NELL1: variants seen among roughly 807,000 people sequenced by gnomAD.
NELL1 encodes the protein neural EGFL like 1.
In NELL1, 76 loss-of-function variants were observed where a neutral mutation model predicts 107.4. That is an observed-to-expected ratio of 0.71 (90% CI 0.59 to 0.86). The LOEUF is 0.86. Ranked by LOEUF, NELL1 falls within the 40% of genes least tolerant of loss-of-function variation. NELL1 has a pLI of 0.00. For missense variants in NELL1, 1,024 were observed against 1,005.5 expected (o/e 1.02, Z -0.25); for synonymous variants, 353 against 341.2 (o/e 1.03, Z -0.38).
intron 2 of NELL1, among the ~76,000 whole-genome samples, chr11:20,705,182 C>T (rs1854911018): frequency 6.6e-6 from 1 of 152,002 alleles, no homozygotes; most frequent in Non-Finnish European, 1.5e-5. Context: ...CATATGGAAC[C>T]AAAAAAGAGC....
intron 14 of NELL1, among the ~76,000 whole-genome samples, chr11:21,346,635 T>C (rs1490623574): frequency 6.8e-6 from 1 of 146,992 alleles, no homozygotes; most frequent in Non-Finnish European, 1.5e-5. Flanking sequence ...CAAATATATA[T>C]TAATTATATG....
chr11:21,004,697 A>G (rs1026932431), intron 12 of NELL1, among the ~76,000 whole-genome samples: 13 of 152,160 alleles, frequency 8.5e-5, no homozygotes, highest in Admixed American at 2.6e-4. Context: ...AGATTATGTT[A>G]AGATGAAGGG....
chr11:21,098,070 A>G (rs1039987864), intron 12 of NELL1, among the ~76,000 whole-genome samples: 1 of 151,808 alleles, frequency 6.6e-6, no homozygotes, highest in African/African-American at 2.4e-5. Flanking sequence ...CTCTAAAGAC[A>G]TTCAAGGTCT....
intron 2 of NELL1, among the ~76,000 whole-genome samples, chr11:20,709,557 T>C (rs971473996): frequency 1.3e-5 from 2 of 152,146 alleles, no homozygotes; most frequent in Non-Finnish European, 2.9e-5. Context: ...TTTAGGATTC[T>C]TTTTTCTAGT....
At chr11:21,440,981 G>A (rs538740854) in intron 15 of NELL1, among the ~76,000 whole-genome samples, 1 of 152,032 alleles carries the variant, frequency 6.6e-6, no homozygotes, top group African/African-American at 2.4e-5. Flanking sequence ...TCTGTAAAAC[G>A]TATGAAAAGA....
chr11:20,677,099 G>C (rs192956700), intron 1 of NELL1, among the ~76,000 whole-genome samples: 1 of 152,162 alleles, frequency 6.6e-6, no homozygotes, highest in African/African-American at 2.4e-5. Context: ...CTGCATTAAG[G>C]TTCTCTAAAA....
chr11:21,375,369 G>A (rs1851450453), intron 15 of NELL1, among the ~76,000 whole-genome samples: 1 of 152,058 alleles, frequency 6.6e-6, no homozygotes, highest in Admixed American at 6.6e-5. Flanking sequence ...CCATGTGTCT[G>A]CAAAGGACAT....
intron 12 of NELL1, among the ~76,000 whole-genome samples, chr11:21,010,282 G>A (rs1795944069): frequency 6.6e-6 from 1 of 151,864 alleles, no homozygotes; most frequent in African/African-American, 2.4e-5. Context: ...TAATGTGCTT[G>A]TATTGCTATA....
chr11:20,872,286 C>T (rs1014392183), intron 4 of NELL1, among the ~76,000 whole-genome samples: 4 of 150,890 alleles, frequency 2.7e-5, no homozygotes, highest in African/African-American at 4.9e-5. Flanking sequence ...GTGATTCTCC[C>T]GCTCCCACCT....
intron 14 of NELL1, among the ~76,000 whole-genome samples, chr11:21,282,266 C>G (rs1670650): frequency 0.89 from 135,177 of 152,180 alleles, 60,340 homozygotes; most frequent in Non-Finnish European, 0.93. Context: ...CACTGATCAT[C>G]AGAGAAATGC....
intron 15 of NELL1, among the ~76,000 whole-genome samples, chr11:21,421,399 C>T (rs1163108282): frequency 6.6e-6 from 1 of 152,114 alleles, no homozygotes; most frequent in African/African-American, 2.4e-5. Context: ...CTACCCACCT[C>T]AACTCTGTGG....
chr11:20,822,893 T>A (rs1459262249), intron 3 of NELL1, among the ~76,000 whole-genome samples: 1 of 152,168 alleles, frequency 6.6e-6, no homozygotes. Flanking sequence ...GAATGAATGA[T>A]GCAGTGGGGA....
intron 2 of NELL1, among the ~76,000 whole-genome samples, chr11:20,724,961 C>T (rs1855476057): frequency 6.6e-6 from 1 of 152,176 alleles, no homozygotes; most frequent in South Asian, 2.1e-4. Flanking sequence ...AAAGGGGAAG[C>T]AAGGCACGTC....
chr11:20,931,532 T>C (rs1850618574), intron 9 of NELL1, among the ~76,000 whole-genome samples: 2 of 152,178 alleles, frequency 1.3e-5, no homozygotes, highest in African/African-American at 2.4e-5. Context: ...AATATCATGC[T>C]GTAGACCGTA....
intron 12 of NELL1, among the ~76,000 whole-genome samples, chr11:20,975,797 TATATG>T (rs1421644319): frequency 7.4e-6 from 1 of 134,852 alleles, no homozygotes; most frequent in Admixed American, 7.7e-5. Flanking sequence ...ATATATGTAT[TATATG>T]ATATACATAT....
At chr11:21,231,187 A>G (rs1858040113) in intron 14 of NELL1, among the ~76,000 whole-genome samples, 1 of 152,192 alleles carries the variant, frequency 6.6e-6, no homozygotes, top group Non-Finnish European at 1.5e-5. Context: ...CAAGTTCAGA[A>G]CAATATAGTA....
At chr11:20,859,108 C>T (rs984485291) in intron 4 of NELL1, among the ~76,000 whole-genome samples, 1 of 152,226 alleles carries the variant, frequency 6.6e-6, no homozygotes, top group African/African-American at 2.4e-5. Context: ...CCCACACCTA[C>T]ACTGAAGTGA....
At chr11:21,409,462 A>G (rs192097800) in intron 15 of NELL1, among the ~76,000 whole-genome samples, 6 of 152,132 alleles carry the variant, frequency 3.9e-5, no homozygotes, top group African/African-American at 1.4e-4. Context: ...GGATAGCATT[A>G]GGAGATATAC....
chr11:21,123,083 A>T (rs1434023231), intron 13 of NELL1, among the ~76,000 whole-genome samples: 1 of 152,200 alleles, frequency 6.6e-6, no homozygotes, highest in Non-Finnish European at 1.5e-5. Context: ...AAGGGAAAAG[A>T]GATTTCCCTT....
Sources: gnomAD v4.1 joint callset for allele counts (sites outside exome capture counted in the v4.1 genomes callset) on GRCh38, gnomAD v4.1.1 for gene constraint, MANE v1.5 for transcripts, NCBI Gene and HGNC (gene_info 2026-07-23, HGNC 2026-07-21) for gene names.